Variants in KCNIP4 observed in about 807,000 individuals in gnomAD.
The protein encoded by KCNIP4 is potassium voltage-gated channel interacting protein 4, also known as Kv channel-interacting protein 4.
KCNIP4 carries 12 observed loss-of-function variants against 34.0 expected under a neutral mutation model. That is an observed-to-expected ratio of 0.35 (90% CI 0.23 to 0.57). The LOEUF (loss-of-function observed/expected upper bound fraction) is 0.57. KCNIP4 is among the 20% of genes least tolerant of loss of function. The pLI is 0.83. For synonymous variants in KCNIP4, 124 were observed against 102.2 expected (o/e 1.21, Z -1.29); for missense variants, 238 against 311.7 (o/e 0.76, Z 1.78).
intron 1 of KCNIP4, among the ~76,000 whole-genome samples, chr4:20,937,222 C>CTTTTTTTT (rs397992488): frequency 4.4e-5 from 2 of 45,530 alleles, no homozygotes; most frequent in Admixed American, 2.5e-4. Context: ...CCCAAGGAGT[C>CTTTTTTTT]TTTTTTTTTT....
At chr4:21,869,882 C>A (rs1725671625) in intron 1 of KCNIP4, among the ~76,000 whole-genome samples, 1 of 152,120 alleles carries the variant, frequency 6.6e-6, no homozygotes, top group Non-Finnish European at 1.5e-5. Context: ...TGATGCCTGG[C>A]TTAGGCAATG....
At chr4:21,234,348 T>A (rs1258770175) in intron 1 of KCNIP4, among the ~76,000 whole-genome samples, 1 of 95,796 alleles carries the variant, frequency 1.0e-5, no homozygotes, top group Non-Finnish European at 2.0e-5. Context: ...ATAACATACA[T>A]TATATATAAC....
chr4:21,452,177 T>C (rs1728567120), intron 1 of KCNIP4, among the ~76,000 whole-genome samples: 1 of 152,052 alleles, frequency 6.6e-6, no homozygotes, highest in Non-Finnish European at 1.5e-5. Flanking sequence ...AATTTCAGAA[T>C]TTAGAATTTT....
At chr4:21,284,245 T>C (rs976426527) in intron 1 of KCNIP4, among the ~76,000 whole-genome samples, 11 of 152,196 alleles carry the variant, frequency 7.2e-5, no homozygotes, top group African/African-American at 2.7e-4. Context: ...ATCTGCAATT[T>C]ACTTTTTGTT....
At chr4:21,531,086 A>T (rs1423769852) in intron 1 of KCNIP4, among the ~76,000 whole-genome samples, 1 of 152,188 alleles carries the variant, frequency 6.6e-6, no homozygotes, top group Non-Finnish European at 1.5e-5. Flanking sequence ...AATAAAAATC[A>T]TGACTACTTG....
chr4:21,367,035 C>T (rs1719848211), intron 1 of KCNIP4, among the ~76,000 whole-genome samples: 2 of 152,046 alleles, frequency 1.3e-5, no homozygotes, highest in Non-Finnish European at 2.9e-5. Context: ...TCTCTTCTGC[C>T]CTCCTGCCAT....
At chr4:20,952,299 C>G (rs1732865030) in intron 1 of KCNIP4, among the ~76,000 whole-genome samples, 1 of 151,952 alleles carries the variant, frequency 6.6e-6, no homozygotes, top group Admixed American at 6.6e-5. Context: ...CTAGGCACTT[C>G]TATGTATTTA....
chr4:20,916,215 C>A (rs1728799535), intron 1 of KCNIP4: 2 of 526,780 alleles, frequency 3.8e-6, no homozygotes, highest in Non-Finnish European at 2.4e-6. Context: ...TGACCCCTAA[C>A]TCTCTCAGGT....
chr4:21,475,001 G>A (rs60637182), intron 1 of KCNIP4, among the ~76,000 whole-genome samples: 15,788 of 91,352 alleles, frequency 0.17, 1,113 homozygotes, highest in South Asian at 0.25. Flanking sequence ...ACTCCATCTC[G>A]AAAAACAAAA....
chr4:20,833,496 T>C (rs1260565894), intron 3 of KCNIP4, among the ~76,000 whole-genome samples: 1 of 151,724 alleles, frequency 6.6e-6, no homozygotes, highest in Non-Finnish European at 1.5e-5. Context: ...ATAATAATAA[T>C]AATAATAATA....
At chr4:21,155,114 C>G (rs1017537763) in intron 1 of KCNIP4, among the ~76,000 whole-genome samples, 3 of 152,048 alleles carry the variant, frequency 2.0e-5, no homozygotes, top group Admixed American at 6.6e-5. Context: ...ACTGAGTCAC[C>G]TTACTGTAGG....
chr4:21,815,395 T>C (rs1318650199), intron 1 of KCNIP4, among the ~76,000 whole-genome samples: 3 of 152,194 alleles, frequency 2.0e-5, no homozygotes, highest in Non-Finnish European at 4.4e-5. Flanking sequence ...TTAGGTACCA[T>C]TGTTAGTTAA....
intron 1 of KCNIP4, among the ~76,000 whole-genome samples, chr4:21,667,389 C>G (rs922277880): frequency 6.6e-6 from 1 of 152,162 alleles, no homozygotes; most frequent in African/African-American, 2.4e-5. Flanking sequence ...TTAATAAAGA[C>G]ATCACACACA....
intron 1 of KCNIP4, among the ~76,000 whole-genome samples, chr4:21,604,558 G>A (rs186981237): frequency 8.5e-5 from 13 of 152,156 alleles, no homozygotes. Flanking sequence ...ATGGGACCTT[G>A]GCAAATTGCA....
intron 1 of KCNIP4, among the ~76,000 whole-genome samples, chr4:21,692,385 G>A (rs1410983802): frequency 6.6e-6 from 1 of 152,174 alleles, no homozygotes; most frequent in African/African-American, 2.4e-5. Flanking sequence ...GATTAAGCAA[G>A]ACCATGAATT....
chr4:21,561,554 T>C (rs1368132521), intron 1 of KCNIP4, among the ~76,000 whole-genome samples: 3 of 151,954 alleles, frequency 2.0e-5, no homozygotes, highest in Non-Finnish European at 2.9e-5. Flanking sequence ...TCTTTTTACT[T>C]GTGGCCATTT....
chr4:21,115,869 C>A (rs1336843990), intron 1 of KCNIP4, among the ~76,000 whole-genome samples: 3 of 152,044 alleles, frequency 2.0e-5, no homozygotes, highest in East Asian at 3.8e-4. Flanking sequence ...TATTATTTGT[C>A]CAATAATAAT....
At chr4:21,645,574 A>G (rs960713989) in intron 1 of KCNIP4, among the ~76,000 whole-genome samples, 1 of 152,144 alleles carries the variant, frequency 6.6e-6, no homozygotes, top group East Asian at 1.9e-4. Context: ...GACAGATCCC[A>G]ATTGTCACAG....
chr4:21,598,771 T>C (rs1814167), intron 1 of KCNIP4, among the ~76,000 whole-genome samples: 104,349 of 151,896 alleles, frequency 0.69, 36,314 homozygotes, highest in East Asian at 0.9. Flanking sequence ...CTGGTTCTTT[T>C]GCATTCATGC....
Sources: gnomAD v4.1 joint callset for allele counts (sites outside exome capture counted in the v4.1 genomes callset) on GRCh38, gnomAD v4.1.1 for gene constraint, MANE v1.5 for transcripts, NCBI Gene and HGNC (gene_info 2026-07-23, HGNC 2026-07-21) for gene names.